Variants in ASIC2 observed in about 807,000 individuals in gnomAD.
ASIC2 encodes the protein acid sensing ion channel subunit 2, also known as acid-sensing ion channel 2.
ASIC2 carries 25 observed loss-of-function variants against 57.3 expected under a neutral mutation model. The ratio of observed to expected loss-of-function variants is 0.44; its 90% CI spans 0.32 to 0.61. The LOEUF (loss-of-function observed/expected upper bound fraction) is 0.61. Among genes scored for constraint, ASIC2 ranks in the 20% least tolerant of loss-of-function variants. ASIC2 has a pLI of 0.06. For missense variants in ASIC2, 641 were observed against 738.1 expected, an observed-to-expected ratio of 0.87 and a Z score of 1.52; for synonymous variants, 319 against 307.5, an observed-to-expected ratio of 1.04 and a Z score of -0.39.
intron 1 of ASIC2, chr17:34,143,088 T>C (rs911883491): frequency 3.3e-5 from 5 of 152,262 alleles, no homozygotes; most frequent in East Asian, 1.9e-4. Flanking sequence ...GTTAGGAGTA[T>C]CGTAATTATA....
chr17:33,687,064 G>A (rs1193718965), intron 1 of ASIC2, among the ~76,000 whole-genome samples: 1 of 152,222 alleles, frequency 6.6e-6, no homozygotes, highest in Non-Finnish European at 1.5e-5. Flanking sequence ...CCTTCGATGA[G>A]TGGCTTAGCA....
chr17:33,658,246 C>G (rs1907137625), intron 1 of ASIC2, among the ~76,000 whole-genome samples: 1 of 152,192 alleles, frequency 6.6e-6, no homozygotes, highest in Non-Finnish European at 1.5e-5. Context: ...ACAGAGGCCC[C>G]TGCACTCATC....
chr17:33,295,972 C>A (rs1157841185), upstream of ASIC2, among the ~76,000 whole-genome samples: 9 of 152,202 alleles, frequency 5.9e-5, no homozygotes, highest in East Asian at 1.7e-3. Context: ...GAGTGTGCTA[C>A]CATGCCTGGC....
At chr17:33,061,774 G>C (rs2092021807) in intron 3 of ASIC2, among the ~76,000 whole-genome samples, 1 of 152,166 alleles carries the variant, frequency 6.6e-6, no homozygotes, top group Non-Finnish European at 1.5e-5. Context: ...GATTTTGGCT[G>C]TGAATCCATC....
chr17:33,791,165 C>T (rs1911758212), intron 1 of ASIC2, among the ~76,000 whole-genome samples: 1 of 152,126 alleles, frequency 6.6e-6, no homozygotes, highest in Non-Finnish European at 1.5e-5. Context: ...ATGGAAGAAG[C>T]CATGAGGATT....
chr17:34,126,565 C>T (rs2142123651), intron 1 of ASIC2, among the ~76,000 whole-genome samples: 1 of 152,308 alleles, frequency 6.6e-6, no homozygotes, highest in Non-Finnish European at 1.5e-5. Context: ...CCACTTCTCT[C>T]TCAGCCTCCC....
chr17:33,833,282 G>A (rs545859297), intron 1 of ASIC2, among the ~76,000 whole-genome samples: 1 of 152,174 alleles, frequency 6.6e-6, no homozygotes, highest in East Asian at 1.9e-4. Context: ...TGTATCTCTA[G>A]CATCAAGTGC....
chr17:33,754,783 C>T (rs1192937342), intron 1 of ASIC2, among the ~76,000 whole-genome samples: 4 of 151,602 alleles, frequency 2.6e-5, no homozygotes, highest in African/African-American at 9.7e-5. Flanking sequence ...GGTGAAACCC[C>T]ATCTCTACTA....
At chr17:33,639,585 G>A (rs1411593242) in intron 1 of ASIC2, among the ~76,000 whole-genome samples, 2 of 152,004 alleles carry the variant, frequency 1.3e-5, no homozygotes, top group African/African-American at 4.8e-5. Flanking sequence ...CTTGGGAGTG[G>A]GGCAGGAGCT....
At chr17:33,883,853 C>G (rs143642650) in intron 1 of ASIC2, among the ~76,000 whole-genome samples, 1 of 152,238 alleles carries the variant, frequency 6.6e-6, no homozygotes, top group South Asian at 2.1e-4. Flanking sequence ...TTATTGTAGT[C>G]AATGCACTGT....
chr17:33,401,047 G>C (rs926259061), intron 1 of ASIC2, among the ~76,000 whole-genome samples: 1 of 152,194 alleles, frequency 6.6e-6, no homozygotes, highest in African/African-American at 2.4e-5. Flanking sequence ...GGCTGACAGA[G>C]AGTTGGCCAT....
At chr17:33,352,950 C>T (rs1000256903) in intron 1 of ASIC2, among the ~76,000 whole-genome samples, 13 of 152,104 alleles carry the variant, frequency 8.5e-5, no homozygotes, top group Non-Finnish European at 2.9e-5. Context: ...TCACAATACC[C>T]GACCCCAGAG....
At chr17:33,872,192 A>G (rs1338873433) in intron 1 of ASIC2, among the ~76,000 whole-genome samples, 1 of 152,080 alleles carries the variant, frequency 6.6e-6, no homozygotes, top group African/African-American at 2.4e-5. Flanking sequence ...TCCCCCTTTA[A>G]GCCCAGCCTG....
chr17:33,113,130 G>T (rs1201810529), intron 1 of ASIC2, among the ~76,000 whole-genome samples: 2 of 152,180 alleles, frequency 1.3e-5, no homozygotes, highest in Non-Finnish European at 2.9e-5. Flanking sequence ...CCCCGTGATG[G>T]TGTAGAAAAA....
At chr17:33,435,700 C>T (rs11656800) in intron 1 of ASIC2, among the ~76,000 whole-genome samples, 1 of 151,986 alleles carries the variant, frequency 6.6e-6, no homozygotes, top group Admixed American at 6.5e-5. Flanking sequence ...AATTAAAAAA[C>T]AAACCAGACT....
intron 1 of ASIC2, among the ~76,000 whole-genome samples, chr17:33,640,801 C>T (rs1189534534): frequency 6.6e-6 from 1 of 152,200 alleles, no homozygotes; most frequent in African/African-American, 2.4e-5. Context: ...ATTGCTGAGG[C>T]TGAGCCCTGC....
At chr17:33,579,009 G>T (rs1006388202) in intron 1 of ASIC2, among the ~76,000 whole-genome samples, 1 of 152,122 alleles carries the variant, frequency 6.6e-6, no homozygotes, top group Non-Finnish European at 1.5e-5. Flanking sequence ...TTAATGGTCA[G>T]GTGCGCTGTC....
intron 1 of ASIC2, among the ~76,000 whole-genome samples, chr17:33,813,062 T>C (rs976576909): frequency 6.6e-6 from 1 of 152,208 alleles, no homozygotes; most frequent in African/African-American, 2.4e-5. Flanking sequence ...TCAGGGGACC[T>C]GGCAGCTTGA....
intron 1 of ASIC2, among the ~76,000 whole-genome samples, chr17:33,142,852 C>T (rs1478813070): frequency 6.6e-6 from 1 of 152,140 alleles, no homozygotes; most frequent in Non-Finnish European, 1.5e-5. Context: ...CTATATGTAT[C>T]CCGTAGATGG....
Sources: allele counts gnomAD v4.1 joint callset (sites outside exome capture counted in the v4.1 genomes callset), GRCh38; gene constraint gnomAD v4.1.1; transcripts MANE v1.5; gene names NCBI Gene and HGNC (gene_info 2026-07-23, HGNC 2026-07-21).